Variants in CLRN2 observed in about 807,000 individuals in gnomAD.
CLRN2 encodes the protein clarin-2.
In CLRN2, 17 loss-of-function variants were observed where a neutral mutation model predicts 20.1. That is an observed-to-expected ratio of 0.85 (90% CI 0.58 to 1.27). The LOEUF (loss-of-function observed/expected upper bound fraction) is 1.27, where lower values mean the gene tolerates loss of function less well. Among genes scored for constraint, CLRN2 ranks in the 50% most tolerant of loss-of-function variants. CLRN2 has a pLI of 0.00. For missense variants in CLRN2, 288 were observed against 299.5 expected, an observed-to-expected ratio of 0.96 and a Z score of 0.28; for synonymous variants, 140 against 126.9, an observed-to-expected ratio of 1.10 and a Z score of -0.70.
intron 2 of CLRN2, among the ~76,000 whole-genome samples, chr4:17,523,343 T>C (rs1711881816): frequency 6.6e-6 from 1 of 151,954 alleles, no homozygotes; most frequent in South Asian, 2.1e-4. Context: ...GGCCCCCAAG[T>C]AGCTGGGAGT....
intron 1 of CLRN2, among the ~76,000 whole-genome samples, chr4:17,518,032 C>A (rs1711723961): frequency 6.7e-6 from 1 of 148,160 alleles, no homozygotes; most frequent in African/African-American, 2.5e-5. Context: ...CTCCTGGGGT[C>A]TCTTTCTGCC....
At chr4:17,515,562 T>A in intron 1 of CLRN2, 43 bp downstream of exon 1, 1 of 1,599,732 alleles carries the variant, frequency 6.3e-7, no homozygotes, top group African/African-American at 1.3e-5. Context: ...AGGCACTCAT[T>A]TTTGTTAATG....
intron 1 of CLRN2, among the ~76,000 whole-genome samples, chr4:17,515,758 TG>T (rs1711651340): frequency 6.6e-6 from 1 of 152,232 alleles, no homozygotes; most frequent in Non-Finnish European, 1.5e-5. Context: ...TGTGCATTTT[TG>T]CAGTTTACCT....
chr4:17,519,386 T>C (rs991214572), intron 1 of CLRN2, among the ~76,000 whole-genome samples: 1 of 152,232 alleles, frequency 6.6e-6, no homozygotes, highest in African/African-American at 2.4e-5. Context: ...CCTCTACTTA[T>C]CTGTGCTTTC....
At chr4:17,526,660 G>GT (rs1711984420) in intron 2 of CLRN2, among the ~76,000 whole-genome samples, 157 bp from the exon 3 acceptor site, 1 of 152,206 alleles carries the variant, frequency 6.6e-6, no homozygotes, top group Non-Finnish European at 1.5e-5. Context: ...TTCATACTGT[G>GT]TGGGTTATCT....
intron 2 of CLRN2, 120 bp downstream of exon 2, chr4:17,523,163 G>T: frequency 3.0e-6 from 2 of 658,608 alleles, no homozygotes; most frequent in South Asian, 6.1e-5. Flanking sequence ...ACCTTCCTGG[G>T]TCTAAGACCT....
At chr4:17,518,026 T>C (rs538385158) in intron 1 of CLRN2, among the ~76,000 whole-genome samples, 65 of 150,500 alleles carry the variant, frequency 4.3e-4, no homozygotes, top group African/African-American at 1.5e-3. Context: ...CTGTTTCTCC[T>C]GGGGTCTCTT....
intron 1 of CLRN2, among the ~76,000 whole-genome samples, chr4:17,516,196 C>T (rs1241897140): frequency 6.6e-6 from 1 of 152,220 alleles, no homozygotes; most frequent in Non-Finnish European, 1.5e-5. Flanking sequence ...AAGGCACTTG[C>T]CTGTTCTCTG....
intron 2 of CLRN2, among the ~76,000 whole-genome samples, chr4:17,525,404 G>A (rs1240118055): frequency 6.6e-6 from 1 of 152,160 alleles, no homozygotes. Context: ...GGGATGCTGA[G>A]GCAGCAGGAT....
intron 1 of CLRN2, among the ~76,000 whole-genome samples, chr4:17,520,544 TA>T (rs1265271774): frequency 6.6e-6 from 1 of 152,208 alleles, no homozygotes; most frequent in African/African-American, 2.4e-5. Flanking sequence ...TTACATGAAT[TA>T]ATATTTCTAT....
chr4:17,517,286 G>A (rs553381673), intron 1 of CLRN2, among the ~76,000 whole-genome samples: 1 of 152,308 alleles, frequency 6.6e-6, no homozygotes, highest in Non-Finnish European at 1.5e-5. Context: ...GGGAATGTCA[G>A]AGAACAACCT....
At chr4:17,515,625 G>A in intron 1 of CLRN2, 106 bp downstream of exon 1, 1 of 1,293,226 alleles carries the variant, frequency 7.7e-7, no homozygotes, top group Non-Finnish European at 1.1e-6. Flanking sequence ...TCAACGTCAG[G>A]CATAATGTCA....
rs1222593199 is a variant in CLRN2 at position 17,515,211 on chromosome 4, T to C, written c.-56T>C. 1.3e-6 allele frequency: 2 copies of C among 1,589,638 alleles called. No individual in the cohort carries two copies. Among genetic ancestry groups the C allele is most frequent in the East Asian group, 4.5e-5 (2 of 44,648 alleles). ...AGAGCATTGCCGAGTATCTGAAAGA[T>C]GTCAATGACCCTCGCTGCTGCTCGG... On this transcript the variant is annotated 5_prime_UTR_variant, in exon 1 of 3. The change abolishes an upstream ATG in the 5' untranslated region. Transcript: ENST00000511148.
rs762164219 is a variant in CLRN2, at chr4:17,526,973, C to T, written c.590C>T (p.Ser197Leu). The T allele has an allele frequency of 1.5e-5, 24 of 1,613,980 alleles. No homozygotes were observed. The South Asian group carries it at 2.0e-4, about 13-fold the overall frequency. Residue 197 changes from serine (S) to leucine (L), a missense_variant, in exon 3 of 3, where the codon TCG becomes TTG. Transcript: ENST00000511148. ...ESFWICVASA[S>L]AHAANLVVVA... The stretch of plus-strand genomic sequence containing the variant: ...TTTTGGATCTGCGTGGCCAGCGCTT[C>T]GGCCCATGCTGCAAACTTGGTCGTG...
intron 2 of CLRN2, among the ~76,000 whole-genome samples, chr4:17,524,267 T>C (rs1355152254): frequency 6.6e-6 from 1 of 151,618 alleles, no homozygotes; most frequent in Non-Finnish European, 1.5e-5. Flanking sequence ...AGTATATTGA[T>C]GCACAGAAAT....
rs564947685 is a variant in CLRN2 at position 17,522,505 on chromosome 4, TTA to T, written c.254-357_254-356del. 5.9e-5 allele frequency among the ~76,000 whole-genome samples: 9 copies of T among 152,326 alleles called. No individual in the cohort carries two copies. The East Asian group carries it at 1.7e-3, about 29-fold the overall frequency. ...AATAAAACGTTGTGCAACGTGAGAA[TTA>T]TGTGTCCTTCATACATGGGGATAAG... On this transcript the variant is annotated intron_variant, in intron 1 of 2. Coordinates refer to ENST00000511148, the MANE Select transcript of CLRN2 (RefSeq NM_001079827.2).
intron 2 of CLRN2, among the ~76,000 whole-genome samples, chr4:17,524,563 G>T (rs188112389): frequency 1.3e-5 from 2 of 152,120 alleles, no homozygotes; most frequent in African/African-American, 4.8e-5. Flanking sequence ...CCCTCATCAA[G>T]ACTACAGGTG....
chr4:17,524,392 C>T (rs188463275), intron 2 of CLRN2, among the ~76,000 whole-genome samples: 3 of 152,014 alleles, frequency 2.0e-5, no homozygotes, highest in South Asian at 2.1e-4. Flanking sequence ...ACCATTAGAA[C>T]AATAATCCCT....
chr4:17,516,393 T>A (rs1241001111), intron 1 of CLRN2, among the ~76,000 whole-genome samples: 1 of 152,220 alleles, frequency 6.6e-6, no homozygotes, highest in East Asian at 1.9e-4. Flanking sequence ...TGGTGAAAAG[T>A]GTCTGCACAA....
Sources: gnomAD v4.1 joint callset for allele counts (sites outside exome capture counted in the v4.1 genomes callset) on GRCh38, gnomAD v4.1.1 for gene constraint, MANE v1.5 for transcripts, NCBI Gene and HGNC (gene_info 2026-07-23, HGNC 2026-07-21) for gene names.